The following DUT variants were observed in gnomAD, a reference collection of about 807,000 sequenced individuals.
DUT encodes the protein deoxyuridine triphosphatase.
DUT carries 21 observed loss-of-function variants against 28.8 expected under a neutral mutation model. The observed-to-expected ratio is 0.73, with a 90% CI of 0.52 to 1.05. DUT has a LOEUF of 1.05. Among genes scored for constraint, DUT ranks in the 50% least tolerant of loss-of-function variants. DUT has a pLI of 0.00. For synonymous variants in DUT, 147 were observed against 143.7 expected (o/e 1.02, Z -0.17); for missense variants, 344 against 351.8 (o/e 0.98, Z 0.18).
intron 1 of DUT, 50 bp downstream of exon 1, chr15:48,331,845 G>A (rs1327350705): frequency 7.6e-7 from 1 of 1,307,736 alleles, no homozygotes; most frequent in Non-Finnish European, 9.7e-7. Context: ...AATCCACGCG[G>A]CTTGAGGCTG....
upstream of DUT, chr15:48,331,244 G>A: frequency 6.8e-7 from 1 of 1,479,994 alleles, no homozygotes; most frequent in Non-Finnish European, 8.9e-7. Flanking sequence ...TCGGAAAAAT[G>A]GGGGCCAGAG....
At chr15:48,339,269 A>C (rs1033413083) in intron 4 of DUT, among the ~76,000 whole-genome samples, 2 of 152,186 alleles carry the variant, frequency 1.3e-5, no homozygotes, top group South Asian at 4.1e-4. Context: ...TATCTCAGGG[A>C]GGGTAAGAGA....
intron 2 of DUT, 81 bp downstream of exon 2, chr15:48,332,487 C>T: frequency 8.6e-7 from 1 of 1,161,068 alleles, no homozygotes; most frequent in Non-Finnish European, 1.2e-6. Context: ...CCGGAGAGAT[C>T]ACAGGAACAC....
Position 48,342,927 on chromosome 15 carries a change from C to T in DUT, c.*849C>T, listed in dbSNP as rs2141171299. 1.3e-5 allele frequency: 2 copies of T among 152,308 alleles called. No homozygotes were observed. Among genetic ancestry groups the T allele is most frequent in the South Asian group, 4.1e-4 (2 of 4,824 alleles). 9.4% of individuals were successfully genotyped at this position (152,308 alleles called of 1,614,324 possible). Reference sequence around the variant, plus strand: ...GGTTTTTCTGTCTCACATACATAAGCAGCATTTCATTGCAGATATGGGACT... The same window carrying T: ...GGTTTTTCTGTCTCACATACATAAGTAGCATTTCATTGCAGATATGGGACT... On this transcript the variant is annotated 3_prime_UTR_variant, in exon 7 of 7. Coordinates refer to ENST00000331200, the MANE Select transcript of DUT (RefSeq NM_001025248.2).
intron 2 of DUT, among the ~76,000 whole-genome samples, chr15:48,333,507 C>T (rs2042441828): frequency 6.6e-6 from 1 of 152,104 alleles, no homozygotes; most frequent in African/African-American, 2.4e-5. Flanking sequence ...AATGGATCAG[C>T]AATAAATTAG....
intron 6 of DUT, 171 bp from the exon 7 acceptor site, chr15:48,341,851 T>G (rs1033018850): frequency 3.3e-6 from 2 of 598,054 alleles, no homozygotes; most frequent in Admixed American, 3.6e-5. Flanking sequence ...TTATCCAGTA[T>G]TCTAATTTAT....
intron 1 of DUT, 114 bp from the exon 2 acceptor site, chr15:48,332,154 G>A (rs2042421706): frequency 1.4e-6 from 2 of 1,429,444 alleles, no homozygotes; most frequent in Non-Finnish European, 1.8e-6. Flanking sequence ...GGGCGGGGCT[G>A]GCGGGAAATT....
chr15:48,341,700 A>G (rs2042537074), intron 6 of DUT, 115 bp downstream of exon 6: 1 of 882,718 alleles, frequency 1.1e-6, no homozygotes, highest in Admixed American at 3.1e-5. Context: ...ATATGACTAA[A>G]CTTATTTTAA....
chr15:48,336,677 G>A (rs558192801), intron 4 of DUT, among the ~76,000 whole-genome samples: 6 of 152,206 alleles, frequency 3.9e-5, no homozygotes, highest in Admixed American at 6.5e-5. Context: ...TTTCAGGTCC[G>A]CTCCAACTGG....
At position 48,332,126 on chromosome 15, in the gene DUT, G is replaced by A. The variant is rs2042420976; in HGVS notation, c.281-142G>A. On this transcript the variant is annotated intron_variant, in intron 1 of 6. Transcript: ENST00000331200. Reference sequence around the variant, plus strand: ...TCAGCCAGAACTGTGGACTCGTCCCGGGGAGGGGCGGTGGGTGGGGCGGGG... The same window carrying A: ...TCAGCCAGAACTGTGGACTCGTCCCAGGGAGGGGCGGTGGGTGGGGCGGGG... 28 of 1,401,374 alleles carry A rather than the reference G, an allele frequency of 2.0e-5. No homozygotes were observed. In the South Asian group the frequency reaches 3.9e-4, roughly 19 times the overall value. The allele number at this position is 1,401,374 out of a possible 1,614,324, so 86.8% of individuals were successfully genotyped here.
intron 4 of DUT, among the ~76,000 whole-genome samples, chr15:48,339,214 GA>G (rs780746259): frequency 1.3e-5 from 2 of 151,928 alleles, no homozygotes; most frequent in Non-Finnish European, 2.9e-5. Context: ...AGGATAAAAA[GA>G]AAAAAATAAA....
In DUT at chr15:48,334,491, G is replaced by C. The variant is rs1453118340; in HGVS notation, c.494G>C (p.Gly165Ala). The C allele has an allele frequency of 2.5e-6, 4 of 1,610,158 alleles. No individual in the cohort carries two copies. In the South Asian group the frequency reaches 4.4e-5, roughly 18 times the overall value. The change falls in exon 3 of 7, where the codon GGG (glycine) becomes GCG (alanine). Residue 165 changes from glycine (G) to alanine (A), a missense_variant. Coordinates refer to ENST00000331200, the MANE Select transcript of DUT (RefSeq NM_001025248.2). ...GACATTCAGATAGCGCTCCCTTCTGGGTGTTATGGAAGAGTGGGTAAGTCA... is the reference window on the plus strand; with the variant it reads ...GACATTCAGATAGCGCTCCCTTCTGCGTGTTATGGAAGAGTGGGTAAGTCA... ...KTDIQIALPS[G>A]CYGRVAPRSG...
Position 48,334,428 on chromosome 15 carries a change from A to G in DUT, c.431A>G (p.Tyr144Cys). 1 of 1,596,694 alleles carries G rather than the reference A, an allele frequency of 6.3e-7. No individual in the cohort carries two copies. The highest frequency in any genetic ancestry group is 8.6e-7 in the Non-Finnish European group (1 of 1,169,112). The change falls in exon 3 of 7, where the codon TAC (tyrosine) becomes TGC (cysteine). Residue 144 changes from tyrosine (Y) to cysteine (C), a missense_variant. Transcript: ENST00000331200. ...AGYDLYSAYD[Y>C]TIPPMEKAVV... ...CAATATTTTCTTAGTGCCTATGATT[A>G]CACAATACCACCTATGGAGAAAGCT...
intron 4 of DUT, among the ~76,000 whole-genome samples, chr15:48,338,406 T>A (rs1373146009): frequency 6.6e-6 from 1 of 151,924 alleles, no homozygotes; most frequent in Admixed American, 6.6e-5. Context: ...AAAAAGGGAG[T>A]GTTTTTGTAT....
At chr15:48,331,112 C>T, upstream of DUT, 4 of 1,458,804 alleles carry the variant, frequency 2.7e-6, no homozygotes, top group African/African-American at 1.5e-5. Flanking sequence ...CTGTCACCGG[C>T]GCCGAGATGC....
Position 48,331,761 on chromosome 15 carries a change from T to C in DUT, c.246T>C (p.Leu82=), listed in dbSNP as rs2042413512. The C allele has an allele frequency of 2.1e-6, 3 of 1,404,028 alleles. No individual in the cohort carries two copies. Among genetic ancestry groups the C allele is most frequent in the Non-Finnish European group, 2.8e-6 (3 of 1,083,086 alleles). The allele number at this position is 1,404,028 out of a possible 1,614,324, so 87.0% of individuals were successfully genotyped here. ...TVGAAGWKGE[L]PKAGGSPAPG... Reference sequence around the variant, plus strand: ...GGGCCGCTGGCTGGAAGGGCGAGCTTCCTAAGGCGGGGGGAAGCCCGGCGC... The same window carrying C: ...GGGCCGCTGGCTGGAAGGGCGAGCTCCCTAAGGCGGGGGGAAGCCCGGCGC... The change falls in exon 1 of 7, where the codon CTT becomes CTC. Residue 82 remains leucine, a synonymous_variant. Coordinates refer to ENST00000331200, the MANE Select transcript of DUT (RefSeq NM_001025248.2).
chr15:48,332,288 A>C lies in DUT; in HGVS notation c.301A>C (p.Ser101Arg). 6.2e-7 allele frequency: 1 copy of C among 1,609,140 alleles called. No homozygotes were observed. The highest frequency in any genetic ancestry group is 8.5e-7 in the Non-Finnish European group (1 of 1,178,542). Residue 101 changes from serine (S) to arginine (R), a missense_variant, in exon 2 of 7, where the codon AGT becomes CGT. By Grantham distance (110) the Ser-to-Arg change is moderately radical. Transcript: ENST00000331200. ...TGAAGAGACACCCGCCATTTCACCC[A>C]GTAAGCGGGCCCGGCCTGCGGAGGT... Reference protein sequence around the residue: ...PGPETPAISPSKRARPAEVGG... With the variant: ...PGPETPAISPRKRARPAEVGG...
Position 48,331,616 on chromosome 15 carries a change from A to T in DUT, c.101A>T (p.Glu34Val). The stretch of plus-strand genomic sequence containing the variant: ...GCGCGAGGCGCACGGCAGAGGGCCG[A>T]AGCCGCGGTACTCTCCGGGCCAGGC... ...QNARGARQRA[E>V]AAVLSGPGPP... Residue 34 changes from glutamate to valine, a missense_variant, in exon 1 of 7, where the codon GAA becomes GTA. By Grantham distance (121) the Glu-to-Val change is moderately radical. Coordinates refer to ENST00000331200, the MANE Select transcript of DUT (RefSeq NM_001025248.2). 6.4e-7 allele frequency: 1 copy of T among 1,554,930 alleles called. No homozygotes were observed. The highest frequency in any genetic ancestry group is 1.2e-5 in the South Asian group (1 of 84,342).
intron 2 of DUT, among the ~76,000 whole-genome samples, chr15:48,333,475 A>G (rs917358461): frequency 2.6e-5 from 4 of 152,224 alleles, no homozygotes; most frequent in Non-Finnish European, 5.9e-5. Flanking sequence ...GACTTTCTGT[A>G]TACTGAAATT....
Sources: gnomAD v4.1 joint callset for allele counts (sites outside exome capture counted in the v4.1 genomes callset) on GRCh38, gnomAD v4.1.1 for gene constraint, MANE v1.5 for transcripts, NCBI Gene and HGNC (gene_info 2026-07-23, HGNC 2026-07-21) for gene names.